Variants in CADM2 observed in about 807,000 individuals in gnomAD.
CADM2 encodes the protein cell adhesion molecule 2.
Under a neutral mutation model 49.8 loss-of-function variants are expected in CADM2, and 12 were observed. The observed-to-expected ratio is 0.24, with a 90% CI of 0.15 to 0.39. CADM2 has a LOEUF of 0.39. Ranked by LOEUF, CADM2 falls within the 10% of genes least tolerant of loss-of-function variation. CADM2 has a pLI of 1.00. For synonymous variants in CADM2, 214 were observed against 175.4 expected (o/e 1.22, Z -1.74); for missense variants, 378 against 492.3 (o/e 0.77, Z 2.20).
chr3:85,089,926 G>T (rs962173043), intron 1 of CADM2, among the ~76,000 whole-genome samples: 1 of 152,000 alleles, frequency 6.6e-6, no homozygotes, highest in African/African-American at 2.4e-5. Flanking sequence ...TTCTATTGGC[G>T]GGGACTGAAA....
chr3:85,742,507 T>A (rs957501), intron 2 of CADM2, among the ~76,000 whole-genome samples: 105,349 of 152,004 alleles, frequency 0.69, 36,788 homozygotes, highest in African/African-American at 0.77. Context: ...TATTTTAAAA[T>A]TTAACTATCA....
intron 1 of CADM2, among the ~76,000 whole-genome samples, chr3:85,028,434 C>T (rs1036492139): frequency 6.6e-6 from 1 of 152,068 alleles, no homozygotes; most frequent in Admixed American, 6.5e-5. Flanking sequence ...ATAAACCATG[C>T]TATTTAGAAA....
rs201120742 is a variant in CADM2, at chr3:85,031,672, G to A, written c.61+72004G>A. The stretch of plus-strand genomic sequence containing the variant: ...TGGGACTACAGGCACACGCCACCAC[G>A]CCCGGCTAATTTTTTGTGTATTTTT... On this transcript the variant is annotated intron_variant, in intron 1 of 9. Transcript: ENST00000383699. Among the ~76,000 whole-genome samples, 32 of 151,976 alleles carry A rather than the reference G, an allele frequency of 2.1e-4. No homozygotes were observed. In the East Asian group the frequency reaches 4.9e-3, roughly 23 times the overall value.
intron 1 of CADM2, among the ~76,000 whole-genome samples, chr3:85,657,715 T>G (rs1323654880): frequency 3.7e-5 from 2 of 53,344 alleles, no homozygotes; most frequent in Non-Finnish European, 9.4e-5. Context: ...TATACACAGA[T>G]ATATATATAT....
chr3:85,783,046 A>C (rs745992237), intron 2 of CADM2, among the ~76,000 whole-genome samples: 6 of 152,156 alleles, frequency 3.9e-5, no homozygotes, highest in Non-Finnish European at 7.4e-5. Context: ...TTAGTACATA[A>C]ACAAAATGTA....
intron 8 of CADM2, among the ~76,000 whole-genome samples, chr3:86,035,358 G>T (rs1162807503): frequency 6.6e-6 from 1 of 151,620 alleles, no homozygotes; most frequent in East Asian, 1.9e-4. Context: ...CTTGATCTTT[G>T]TAGGCTGACC....
chr3:85,219,502 A>G (rs532133736), intron 1 of CADM2, among the ~76,000 whole-genome samples: 2 of 152,296 alleles, frequency 1.3e-5, no homozygotes, highest in African/African-American at 4.8e-5. Context: ...GCCTAAATAT[A>G]CATTATTTTT....
rs9829109 is a variant in CADM2 at position 85,823,094 on chromosome 3, G to T, written c.238+20898G>T. Among the ~76,000 whole-genome samples the T allele has an allele frequency of 2.6e-3, 398 of 152,190 alleles. 1 individual carries two copies. The highest frequency in any genetic ancestry group is 9.2e-3 in the African/African-American group (384 of 41,540). ...ATATTTAAAACTTTGGAATGGGCTAGTTTCTTATCTTGTATAAATAAAAGT... is the reference window on the plus strand; with the variant it reads ...ATATTTAAAACTTTGGAATGGGCTATTTTCTTATCTTGTATAAATAAAAGT... On this transcript the variant is annotated intron_variant, in intron 3 of 9. Coordinates refer to ENST00000383699, the MANE Select transcript of CADM2 (RefSeq NM_001167675.2).
intron 1 of CADM2, among the ~76,000 whole-genome samples, chr3:85,036,444 TAACTTA>T (rs940681903): frequency 2.0e-5 from 3 of 152,166 alleles, no homozygotes; most frequent in Admixed American, 6.5e-5. Flanking sequence ...GACTTAAAAA[TAACTTA>T]AACTTAAGCT....
At chr3:85,901,763 A>G (rs1171683487) in intron 5 of CADM2, among the ~76,000 whole-genome samples, 1 of 152,182 alleles carries the variant, frequency 6.6e-6, no homozygotes, top group East Asian at 1.9e-4. Flanking sequence ...TTATGATTCT[A>G]CAAGAAGCCT....
chr3:86,039,835 GT>G (rs201007829), intron 8 of CADM2, among the ~76,000 whole-genome samples: 3,122 of 152,198 alleles, frequency 0.021, 86 homozygotes, highest in African/African-American at 0.062. Flanking sequence ...GCACCCCCCA[GT>G]AGGGGCAGAC....
chr3:85,603,447 C>T (rs1439558512), intron 1 of CADM2, among the ~76,000 whole-genome samples: 1 of 151,882 alleles, frequency 6.6e-6, no homozygotes, highest in African/African-American at 2.4e-5. Context: ...TGTTTTTCCT[C>T]AATTTCAAGA....
chr3:85,236,270 A>G (rs1278230371), intron 1 of CADM2, among the ~76,000 whole-genome samples: 1 of 152,024 alleles, frequency 6.6e-6, no homozygotes, highest in Non-Finnish European at 1.5e-5. Context: ...TATATGTAGA[A>G]TTATATGCAT....
At chr3:85,322,519 A>T (rs2044641013) in intron 1 of CADM2, among the ~76,000 whole-genome samples, 2 of 152,216 alleles carry the variant, frequency 1.3e-5, no homozygotes, top group African/African-American at 2.4e-5. Flanking sequence ...GTATTTGCTC[A>T]TAACACCATG....
chr3:85,534,735 T>C (rs1415891037), intron 1 of CADM2, among the ~76,000 whole-genome samples: 1 of 152,210 alleles, frequency 6.6e-6, no homozygotes, highest in Non-Finnish European at 1.5e-5. Context: ...TCTTGACCTT[T>C]GTTTCCCATT....
rs1428552680 is a variant in CADM2, at chr3:86,072,418, A to C, written c.*5635A>C. 2.0e-5 allele frequency: 3 copies of C among 150,736 alleles called. No individual in the cohort carries two copies. Among genetic ancestry groups the C allele is most frequent in the African/African-American group, 4.9e-5 (2 of 41,106 alleles). 9.3% of individuals were successfully genotyped at this position (150,736 alleles called of 1,614,324 possible). A position where few individuals can be genotyped will look rare whatever the true frequency, so the allele number is the denominator to read the frequency against. On this transcript the variant is annotated 3_prime_UTR_variant, in exon 10 of 10. Coordinates refer to ENST00000383699, the MANE Select transcript of CADM2 (RefSeq NM_001167675.2). ...AGATATAAAAAAAACAAAAAAAACA[A>C]AAAAAAAACACTATTTTCCCCTACG...
At chr3:85,248,529 G>C (rs113713901) in intron 1 of CADM2, among the ~76,000 whole-genome samples, 4 of 152,020 alleles carry the variant, frequency 2.6e-5, no homozygotes, top group African/African-American at 9.7e-5. Context: ...GCCAACCTTG[G>C]CTTCCCAATT....
At chr3:85,115,517 A>G (rs1487914323) in intron 1 of CADM2, among the ~76,000 whole-genome samples, 1 of 152,172 alleles carries the variant, frequency 6.6e-6, no homozygotes, top group African/African-American at 2.4e-5. Flanking sequence ...GAGGACTAGA[A>G]TGAGACTGGG....
chr3:85,629,800 C>T (rs982272077), intron 1 of CADM2, among the ~76,000 whole-genome samples: 1 of 151,984 alleles, frequency 6.6e-6, no homozygotes, highest in Non-Finnish European at 1.5e-5. Context: ...GTGGGCCAGA[C>T]AATTGCTTAA....
Sources: gnomAD v4.1 joint callset for allele counts (sites outside exome capture counted in the v4.1 genomes callset) on GRCh38, gnomAD v4.1.1 for gene constraint, MANE v1.5 for transcripts, NCBI Gene and HGNC (gene_info 2026-07-23, HGNC 2026-07-21) for gene names.